FBXO4: variants seen among roughly 807,000 people sequenced by gnomAD.
The protein encoded by FBXO4 is F-box protein 4, also known as F-box only protein 4.
A neutral mutation model predicts 43.7 loss-of-function variants in FBXO4; 36 were observed. The ratio of observed to expected loss-of-function variants is 0.82; its 90% CI spans 0.63 to 1.09. FBXO4 has a LOEUF of 1.09. Among genes scored for constraint, FBXO4 ranks in the 50% least tolerant of loss-of-function variants. The pLI is 0.00. For synonymous variants in FBXO4, 180 were observed against 165.6 expected, an observed-to-expected ratio of 1.09 and a Z score of -0.67; for missense variants, 435 against 474.1, an observed-to-expected ratio of 0.92 and a Z score of 0.77.
intron 1 of FBXO4, among the ~76,000 whole-genome samples, chr5:41,926,642 GGTTTT>G (rs550718984): frequency 8.1e-4 from 124 of 152,310 alleles, no homozygotes; most frequent in African/African-American, 2.8e-3. Flanking sequence ...GGTTGATATG[GGTTTT>G]ATTTTGAAGG....
At chr5:42,029,083 T>C in the FBXO4 span, among the ~76,000 whole-genome samples, 10 of 152,052 alleles carry the variant, frequency 6.6e-5, no homozygotes, top group Non-Finnish European at 1.3e-4. Flanking sequence ...ATTCCTTTTC[T>C]TTCTTATTGA....
the FBXO4 span, among the ~76,000 whole-genome samples, chr5:42,017,258 G>A: frequency 6.6e-6 from 1 of 151,840 alleles, no homozygotes; most frequent in Non-Finnish European, 1.5e-5. Flanking sequence ...AACTTAAAAA[G>A]ATTTGGCAAA....
chr5:41,973,410 C>T, the FBXO4 span, among the ~76,000 whole-genome samples: 3 of 152,106 alleles, frequency 2.0e-5, no homozygotes, highest in African/African-American at 7.2e-5. Flanking sequence ...TTAAAATAGG[C>T]TCATGCCTAT....
At chr5:41,947,177 G>A in the FBXO4 span, among the ~76,000 whole-genome samples, 17,418 of 152,132 alleles carry the variant, frequency 0.11, 1,537 homozygotes, top group African/African-American at 0.24. Context: ...AAATGAGACT[G>A]GGGCAAATGA....
chr5:42,012,564 A>C, the FBXO4 span, among the ~76,000 whole-genome samples: 1 of 152,102 alleles, frequency 6.6e-6, no homozygotes, highest in African/African-American at 2.4e-5. Context: ...TTGATAGCAA[A>C]TTAGGACTGT....
the FBXO4 span, among the ~76,000 whole-genome samples, chr5:41,952,545 A>C: frequency 6.6e-6 from 1 of 152,332 alleles, no homozygotes. Context: ...CCATCAACAC[A>C]GTCAATTTGA....
chr5:42,040,256 G>T, the FBXO4 span, among the ~76,000 whole-genome samples: 2 of 151,944 alleles, frequency 1.3e-5, no homozygotes, highest in African/African-American at 4.8e-5. Context: ...TAATATGTGT[G>T]TGTGTTTTTA....
Position 41,940,632 on chromosome 5 carries a change from G to C in FBXO4, c.1075-560G>C, listed in dbSNP as rs1203625247. The stretch of plus-strand genomic sequence containing the variant: ...GACATGATAACCCCTGAGTAAAACA[G>C]ATAAAGAAAAATTAAAGTTGGAAAC... On this transcript the variant is annotated intron_variant, in intron 6 of 6. Coordinates refer to ENST00000281623, the MANE Select transcript of FBXO4 (RefSeq NM_012176.3). Among the ~76,000 whole-genome samples, 3 of 152,300 alleles carry C rather than the reference G, an allele frequency of 2.0e-5. No individual in the cohort carries two copies. In the East Asian group the frequency reaches 5.8e-4, roughly 29 times the overall value.
Position 41,929,712 on chromosome 5 carries a change from T to TA in FBXO4, c.441_442insA (p.Pro148ThrfsTer29), listed in dbSNP as rs1751619240. On this transcript the variant is annotated frameshift_variant, in exon 3 of 7. Coordinates refer to ENST00000281623, the MANE Select transcript of FBXO4 (RefSeq NM_012176.3). LOFTEE classifies it high-confidence loss of function. ...TTTTTTACAGCTATAGAATGTGCTGTCCATACACAAGAAGAGCTTCAAAAT... is the reference window on the plus strand; with the variant it reads ...TTTTTTACAGCTATAGAATGTGCTGTACCATACACAAGAAGAGCTTCAAAAT... 4 of 1,609,670 alleles carry TA rather than the reference T, an allele frequency of 2.5e-6. No homozygotes were observed.
chr5:42,029,770 C>T, the FBXO4 span, among the ~76,000 whole-genome samples: 1 of 151,816 alleles, frequency 6.6e-6, no homozygotes, highest in Admixed American at 6.6e-5. Context: ...ATGCCAATTG[C>T]ATTTTTTTCC....
the FBXO4 span, among the ~76,000 whole-genome samples, chr5:41,953,602 C>T: frequency 2.7e-5 from 4 of 150,372 alleles, no homozygotes; most frequent in Admixed American, 6.6e-5. Flanking sequence ...AACTAGTTTA[C>T]AGTCCCACCA....
the FBXO4 span, among the ~76,000 whole-genome samples, chr5:42,004,928 CTG>C: frequency 6.6e-6 from 1 of 152,066 alleles, no homozygotes; most frequent in African/African-American, 2.4e-5. Context: ...GATGTGGAAA[CTG>C]AGGGACGGAG....
At chr5:42,008,662 C>A in the FBXO4 span, among the ~76,000 whole-genome samples, 1 of 152,112 alleles carries the variant, frequency 6.6e-6, no homozygotes, top group Non-Finnish European at 1.5e-5. Context: ...TCCAGAAGTG[C>A]CTTAACATGG....
the FBXO4 span, among the ~76,000 whole-genome samples, chr5:42,005,988 T>G: frequency 1.3e-5 from 2 of 152,090 alleles, no homozygotes; most frequent in Admixed American, 6.6e-5. Context: ...CTTCCCCTCT[T>G]TCCATATTGA....
the FBXO4 span, among the ~76,000 whole-genome samples, chr5:41,980,153 T>C: frequency 0.38 from 58,426 of 151,922 alleles, 13,925 homozygotes; most frequent in African/African-American, 0.67. Context: ...CTCATGGTAA[T>C]GTTAAAGTAA....
At chr5:42,008,351 GTT>G in the FBXO4 span, among the ~76,000 whole-genome samples, 1 of 152,230 alleles carries the variant, frequency 6.6e-6, no homozygotes, top group East Asian at 1.9e-4. Context: ...ATTGCTTTCT[GTT>G]TTTCCTCCTG....
At chr5:42,038,410 A>G in the FBXO4 span, among the ~76,000 whole-genome samples, 1 of 152,190 alleles carries the variant, frequency 6.6e-6, no homozygotes, top group East Asian at 1.9e-4. Flanking sequence ...AGAGAATGAT[A>G]TTCTACTACC....
the FBXO4 span, chr5:41,967,250 A>G: frequency 4.1e-6 from 2 of 485,840 alleles, no homozygotes; most frequent in Non-Finnish European, 8.3e-6. Flanking sequence ...CCACTGTCAT[A>G]GGGCCAACAC....
chr5:42,032,568 A>G, the FBXO4 span, among the ~76,000 whole-genome samples: 1 of 152,142 alleles, frequency 6.6e-6, no homozygotes, highest in Non-Finnish European at 1.5e-5. Flanking sequence ...CTTAAGGCTA[A>G]GGTCTCTTAA....
Sources: allele counts gnomAD v4.1 joint callset (sites outside exome capture counted in the v4.1 genomes callset), GRCh38; gene constraint gnomAD v4.1.1; transcripts MANE v1.5; gene names NCBI Gene and HGNC (gene_info 2026-07-23, HGNC 2026-07-21).